Variants in PLXDC2 observed in about 807,000 individuals in gnomAD.
The protein encoded by PLXDC2 is plexin domain-containing protein 2.
Under a neutral mutation model 68.9 loss-of-function variants are expected in PLXDC2, and 40 were observed. The ratio of observed to expected loss-of-function variants is 0.58; its 90% CI spans 0.45 to 0.76. The LOEUF (loss-of-function observed/expected upper bound fraction) is 0.76. Among genes scored for constraint, PLXDC2 ranks in the 30% least tolerant of loss-of-function variants. The pLI, the probability that PLXDC2 is intolerant of heterozygous loss-of-function variation, is 0.00. For missense variants in PLXDC2, 644 were observed against 661.9 expected (o/e 0.97, Z 0.30); for synonymous variants, 243 against 234.2 (o/e 1.04, Z -0.34).
chr10:19,887,241 C>T (rs1837864427), intron 1 of PLXDC2, among the ~76,000 whole-genome samples: 1 of 152,186 alleles, frequency 6.6e-6, no homozygotes, highest in African/African-American at 2.4e-5. Flanking sequence ...GGAAAATAGG[C>T]CAGGCACAGT....
chr10:19,935,882 G>C (rs992995123), intron 1 of PLXDC2, among the ~76,000 whole-genome samples: 1 of 152,134 alleles, frequency 6.6e-6, no homozygotes, highest in Non-Finnish European at 1.5e-5. Flanking sequence ...AAAAGTGTGG[G>C]CCAGAATCTC....
chr10:20,176,149 A>T (rs1303745113), intron 7 of PLXDC2, among the ~76,000 whole-genome samples: 1 of 152,168 alleles, frequency 6.6e-6, no homozygotes, highest in Non-Finnish European at 1.5e-5. Context: ...TTTAAACTAC[A>T]TCGTGCAATA....
intron 3 of PLXDC2, among the ~76,000 whole-genome samples, chr10:20,061,149 C>G (rs950551571): frequency 6.6e-6 from 1 of 152,192 alleles, no homozygotes; most frequent in Admixed American, 6.5e-5. Flanking sequence ...TGGTACTATA[C>G]TCTTAGCTAA....
chr10:19,999,843 C>CAG (rs1834904176), intron 1 of PLXDC2, among the ~76,000 whole-genome samples: 1 of 152,180 alleles, frequency 6.6e-6, no homozygotes, highest in Non-Finnish European at 1.5e-5. Context: ...CAGAGCCTGA[C>CAG]ACATTCTCAG....
chr10:20,237,062 T>C (rs180795989), intron 12 of PLXDC2, among the ~76,000 whole-genome samples: 1 of 152,220 alleles, frequency 6.6e-6, no homozygotes, highest in Admixed American at 6.5e-5. Context: ...TTTTATATAT[T>C]TCCCTGAATA....
intron 1 of PLXDC2, among the ~76,000 whole-genome samples, chr10:19,952,887 A>C (rs1302092407): frequency 1.3e-5 from 2 of 152,114 alleles, no homozygotes; most frequent in Middle Eastern, 3.4e-3. Flanking sequence ...AGGAAAAGTA[A>C]TTTTAATTTT....
chr10:19,902,609 G>C (rs1407524164), intron 1 of PLXDC2, among the ~76,000 whole-genome samples: 1 of 152,020 alleles, frequency 6.6e-6, no homozygotes, highest in Non-Finnish European at 1.5e-5. Flanking sequence ...CTAGGTATAC[G>C]ATCATATCAC....
At chr10:20,005,906 T>C (rs1291534000) in intron 2 of PLXDC2, among the ~76,000 whole-genome samples, 1 of 152,086 alleles carries the variant, frequency 6.6e-6, no homozygotes, top group Non-Finnish European at 1.5e-5. Flanking sequence ...ATGGTATTTG[T>C]GGGCCAGGCG....
chr10:19,991,601 C>CT (rs1318795274), intron 1 of PLXDC2, among the ~76,000 whole-genome samples: 4 of 152,074 alleles, frequency 2.6e-5, no homozygotes, highest in African/African-American at 9.7e-5. Context: ...CATCTATTGG[C>CT]TGTCGTCTCT....
chr10:19,883,828 G>A (rs1353852704), intron 1 of PLXDC2, among the ~76,000 whole-genome samples: 1 of 146,668 alleles, frequency 6.8e-6, no homozygotes, highest in African/African-American at 2.6e-5. Flanking sequence ...CTACGGAAGG[G>A]CATCTCTGTT....
At chr10:20,013,889 AAG>A (rs749274224) in intron 2 of PLXDC2, among the ~76,000 whole-genome samples, 4 of 152,182 alleles carry the variant, frequency 2.6e-5, no homozygotes, top group Non-Finnish European at 5.9e-5. Context: ...ATCAGAATAG[AAG>A]AGTGTCACAT....
intron 1 of PLXDC2, among the ~76,000 whole-genome samples, chr10:19,897,638 C>T (rs978524366): frequency 3.3e-5 from 5 of 152,024 alleles, no homozygotes; most frequent in African/African-American, 9.7e-5. Flanking sequence ...AATTTTTAAG[C>T]TTTTTTAAGA....
intron 2 of PLXDC2, among the ~76,000 whole-genome samples, chr10:20,034,624 A>C (rs1320220393): frequency 6.6e-6 from 1 of 152,230 alleles, no homozygotes; most frequent in Non-Finnish European, 1.5e-5. Flanking sequence ...AGGAGAATTC[A>C]TGCTTCTATT....
rs554598648 is a variant in PLXDC2 at position 20,084,881 on chromosome 10, A to G, written c.541+16642A>G. On this transcript the variant is annotated intron_variant, in intron 4 of 13. Transcript: ENST00000377252. ...GTGCTCACGAAGGCCGTGGCAGAGG[A>G]AAAAAAAAAAAAAATAACATGAGTT... Among the ~76,000 whole-genome samples the G allele has an allele frequency of 2.7e-3, 124 of 45,396 alleles. No homozygotes were observed. The African/African-American group carries it at 0.042, about 15-fold the overall frequency. 29.8% of individuals were successfully genotyped at this position (45,396 alleles called of 152,430 possible). A position where few individuals can be genotyped will look rare whatever the true frequency, so the allele number is the denominator to read the frequency against.
intron 6 of PLXDC2, among the ~76,000 whole-genome samples, chr10:20,158,061 T>G (rs567982507): frequency 6.6e-6 from 1 of 152,094 alleles, no homozygotes; most frequent in Admixed American, 6.5e-5. Flanking sequence ...AAAGCTACAT[T>G]GTTTAAAAAA....
chr10:20,155,943 G>A (rs779941987), intron 6 of PLXDC2, among the ~76,000 whole-genome samples: 17 of 152,070 alleles, frequency 1.1e-4, no homozygotes, highest in East Asian at 5.8e-4. Flanking sequence ...GCAGTGGCGC[G>A]ATCTCAGCTC....
chr10:19,956,711 G>A (rs1380703963), intron 1 of PLXDC2, among the ~76,000 whole-genome samples: 5 of 152,214 alleles, frequency 3.3e-5, no homozygotes, highest in African/African-American at 9.6e-5. Flanking sequence ...ACATATTTAT[G>A]TGTCCCTAGA....
intron 2 of PLXDC2, among the ~76,000 whole-genome samples, chr10:20,022,370 G>A (rs1288451132): frequency 6.6e-6 from 1 of 152,148 alleles, no homozygotes; most frequent in Non-Finnish European, 1.5e-5. Context: ...TATGAAGAAA[G>A]AAAATGGGTG....
intron 13 of PLXDC2, among the ~76,000 whole-genome samples, chr10:20,275,165 G>A (rs2151086): frequency 0.75 from 114,272 of 151,986 alleles, 43,381 homozygotes; most frequent in Middle Eastern, 0.82. Context: ...CCATGAAGGT[G>A]TGCCAGAGAC....
Sources: allele counts gnomAD v4.1 joint callset (sites outside exome capture counted in the v4.1 genomes callset), GRCh38; gene constraint gnomAD v4.1.1; transcripts MANE v1.5; gene names NCBI Gene and HGNC (gene_info 2026-07-23, HGNC 2026-07-21).